The following CREB3L2 variants were observed in gnomAD, a reference collection of about 807,000 sequenced individuals.
CREB3L2 encodes the protein cAMP responsive element binding protein 3 like 2.
A neutral mutation model predicts 57.2 loss-of-function variants in CREB3L2; 23 were observed. The ratio of observed to expected loss-of-function variants is 0.40; its 90% CI spans 0.29 to 0.57. The LOEUF (loss-of-function observed/expected upper bound fraction) is 0.57. Among genes scored for constraint, CREB3L2 ranks in the 20% least tolerant of loss-of-function variants. The pLI, the probability that CREB3L2 is intolerant of heterozygous loss-of-function variation, is 0.42. For missense variants in CREB3L2, 628 were observed against 634.7 expected (o/e 0.99, Z 0.11); for synonymous variants, 268 against 265.1 (o/e 1.01, Z -0.11).
intron 8 of CREB3L2, among the ~76,000 whole-genome samples, chr7:137,900,492 A>C (rs557962929): frequency 6.0e-4 from 92 of 152,302 alleles, no homozygotes; most frequent in African/African-American, 2.1e-3. Flanking sequence ...TTAAAAAACT[A>C]ATTTAAAAAA....
At chr7:137,996,144 G>T (rs1244848207) in intron 1 of CREB3L2, among the ~76,000 whole-genome samples, 1 of 152,228 alleles carries the variant, frequency 6.6e-6, no homozygotes, top group Non-Finnish European at 1.5e-5. Flanking sequence ...GGTTCTCCAA[G>T]TGGAGATTCA....
chr7:137,878,188 C>T lies in CREB3L2; in HGVS notation c.*2288G>A, dbSNP rs1336791738. On this transcript the variant is annotated 3_prime_UTR_variant, in exon 12 of 12. Transcript: ENST00000330387. ...AATAAAATCCTCAAAGCACTAAGGA[C>T]AGGGGCTAGAAGTTTCCTTTATCTT... The T allele has an allele frequency of 4.3e-6, 1 of 231,790 alleles. No homozygotes were observed. Among genetic ancestry groups the T allele is most frequent in the Non-Finnish European group, 8.5e-6 (1 of 117,240 alleles). The allele number at this position is 231,790 out of a possible 1,614,324, so 14.4% of individuals were successfully genotyped here.
intron 2 of CREB3L2, among the ~76,000 whole-genome samples, chr7:137,917,030 TCA>T (rs1242712532): frequency 6.6e-6 from 1 of 152,212 alleles, no homozygotes; most frequent in Non-Finnish European, 1.5e-5. Context: ...ACTTAGACTT[TCA>T]GAGACTCTGC....
intron 1 of CREB3L2, among the ~76,000 whole-genome samples, chr7:137,932,248 C>G (rs1363360172): frequency 7.2e-5 from 11 of 152,112 alleles, no homozygotes; most frequent in African/African-American, 2.4e-4. Flanking sequence ...TCCATTTCCT[C>G]TTGAGGAACC....
chr7:137,962,515 A>T (rs1801340388), intron 1 of CREB3L2, among the ~76,000 whole-genome samples: 1 of 151,814 alleles, frequency 6.6e-6, no homozygotes, highest in Non-Finnish European at 1.5e-5. Context: ...CAGCTCCAGC[A>T]TACACCCTGG....
chr7:137,960,330 A>G (rs1801297135), intron 1 of CREB3L2, among the ~76,000 whole-genome samples: 1 of 152,234 alleles, frequency 6.6e-6, no homozygotes, highest in Non-Finnish European at 1.5e-5. Context: ...TAGACTTTCC[A>G]TAAGAATGCA....
rs760972759 is a variant in CREB3L2 at position 137,905,774 on chromosome 7, G to A, written c.843C>T (p.Ile281=). 7.4e-6 allele frequency: 12 copies of A among 1,614,048 alleles called. No individual in the cohort carries two copies. Among genetic ancestry groups the A allele is most frequent in the Non-Finnish European group, 1.0e-5 (12 of 1,179,882 alleles). Reference sequence around the variant, plus strand: ...ATTTTGACAGGGGCAATTTGGTGGGGATGGGATAGCCCTCAGCGATCAGGG... The same window carrying A: ...ATTTTGACAGGGGCAATTTGGTGGGAATGGGATAGCCCTCAGCGATCAGGG... ...KRTLIAEGYP[I]PTKLPLSKSE... Residue 281 remains isoleucine (I), a synonymous_variant, in exon 6 of 12, where the codon ATC becomes ATT. Coordinates refer to ENST00000330387, the MANE Select transcript of CREB3L2 (RefSeq NM_194071.4).
intron 1 of CREB3L2, among the ~76,000 whole-genome samples, chr7:137,943,190 C>T (rs565541066): frequency 6.6e-6 from 1 of 152,162 alleles, no homozygotes; most frequent in Non-Finnish European, 1.5e-5. Context: ...AGGCCCCCTG[C>T]GGCTCTGGTA....
intron 8 of CREB3L2, among the ~76,000 whole-genome samples, chr7:137,886,301 C>T (rs544066189): frequency 1.3e-5 from 2 of 152,144 alleles, no homozygotes; most frequent in South Asian, 2.1e-4. Flanking sequence ...AAAAAATGAC[C>T]AGCAGAGAAC....
chr7:137,932,988 T>C (rs1394578645), intron 1 of CREB3L2, among the ~76,000 whole-genome samples: 1 of 152,176 alleles, frequency 6.6e-6, no homozygotes, highest in African/African-American at 2.4e-5. Flanking sequence ...CAGGTAACGC[T>C]GTGACTCCAC....
rs10954590 is a variant in CREB3L2 at position 137,876,527 on chromosome 7, G to A, written c.*3949C>T. ...AAAAGTCTTAGGAGTAACTGAATGA[G>A]TGAGTGAATGAACGAAACATCTAAG... is the stretch of plus-strand genomic sequence containing the variant. On this transcript the variant is annotated 3_prime_UTR_variant, in exon 12 of 12. Transcript: ENST00000330387. The A allele has an allele frequency of 0.089, 20,732 of 232,798 alleles. 2,839 individuals are homozygous for A. The highest frequency in any genetic ancestry group is 0.33 in the African/African-American group (15,011 of 45,202). 14.4% of individuals were successfully genotyped at this position (232,798 alleles called of 1,614,324 possible).
intron 1 of CREB3L2, among the ~76,000 whole-genome samples, chr7:137,986,799 G>T (rs573413504): frequency 2.6e-5 from 4 of 152,320 alleles, no homozygotes; most frequent in African/African-American, 7.2e-5. Context: ...ACTGGATTTC[G>T]ACGTGCCTCA....
intron 7 of CREB3L2, among the ~76,000 whole-genome samples, chr7:137,901,658 A>T (rs1799760990): frequency 6.6e-6 from 1 of 151,802 alleles, no homozygotes; most frequent in Non-Finnish European, 1.5e-5. Flanking sequence ...AAGCAGGCGG[A>T]TCACAAGGTC....
Position 137,891,257 on chromosome 7 carries a change from G to A in CREB3L2, c.1044-5755C>T, listed in dbSNP as rs541676945. Among the ~76,000 whole-genome samples, 131 of 152,282 alleles carry A rather than the reference G, an allele frequency of 8.6e-4. 1 individual carries two copies. Among genetic ancestry groups the A allele is most frequent in the African/African-American group, 2.9e-3 (122 of 41,550 alleles). On this transcript the variant is annotated intron_variant, in intron 8 of 11. Coordinates refer to ENST00000330387, the MANE Select transcript of CREB3L2 (RefSeq NM_194071.4). Reference sequence around the variant, plus strand: ...AAAATAAACCATCACCCTGTATCTTGGGAGGCATATCAAAGGAAATTGGGC... The same window carrying A: ...AAAATAAACCATCACCCTGTATCTTAGGAGGCATATCAAAGGAAATTGGGC...
intron 2 of CREB3L2, among the ~76,000 whole-genome samples, chr7:137,927,570 T>C (rs1412438488): frequency 6.6e-6 from 1 of 152,060 alleles, no homozygotes; most frequent in African/African-American, 2.4e-5. Flanking sequence ...TGTAGAGTAA[T>C]GGTCAAAACA....
intron 1 of CREB3L2, among the ~76,000 whole-genome samples, chr7:137,943,397 C>A (rs915271900): frequency 1.2e-4 from 18 of 152,174 alleles, no homozygotes; most frequent in Admixed American, 1.0e-3. Context: ...ACTGGGTGAT[C>A]TCTGCCCTTT....
chr7:137,952,324 G>C (rs1243784747), intron 1 of CREB3L2, among the ~76,000 whole-genome samples: 1 of 152,132 alleles, frequency 6.6e-6, no homozygotes, highest in Non-Finnish European at 1.5e-5. Flanking sequence ...GGTTCTCCTT[G>C]TGTTTGATTT....
At chr7:137,922,415 T>TATATATATATATATATATATATACAC (rs1491237233) in intron 2 of CREB3L2, among the ~76,000 whole-genome samples, 1 of 23,158 alleles carries the variant, frequency 4.3e-5, no homozygotes, top group Non-Finnish European at 8.6e-5. Context: ...TATATATATA[T>TATATATATATATATATATATATACAC]GTATATATAT....
intron 1 of CREB3L2, among the ~76,000 whole-genome samples, chr7:137,988,211 C>G (rs149174446): frequency 5.3e-4 from 81 of 152,352 alleles, no homozygotes; most frequent in African/African-American, 1.6e-3. Flanking sequence ...ATGACAGGAA[C>G]AGAGATTCAG....
Sources: gnomAD v4.1 joint callset for allele counts (sites outside exome capture counted in the v4.1 genomes callset) on GRCh38, gnomAD v4.1.1 for gene constraint, MANE v1.5 for transcripts, NCBI Gene and HGNC (gene_info 2026-07-23, HGNC 2026-07-21) for gene names.